Variants in ARG2 observed in about 807,000 individuals in gnomAD.
ARG2 encodes arginase 2.
A neutral mutation model predicts 39.4 loss-of-function variants in ARG2; 21 were observed. The ratio of observed to expected loss-of-function variants is 0.53; its 90% CI spans 0.38 to 0.77. The LOEUF (loss-of-function observed/expected upper bound fraction) is 0.77. Ranked by LOEUF, ARG2 falls within the 30% of genes least tolerant of loss-of-function variation. The pLI is 0.00. For synonymous variants in ARG2, 150 were observed against 156.7 expected (o/e 0.96, Z 0.32); for missense variants, 378 against 426.2 (o/e 0.89, Z 1.00).
intron 2 of ARG2, among the ~76,000 whole-genome samples, chr14:67,627,531 C>A (rs1376312700): frequency 1.3e-5 from 2 of 152,002 alleles, no homozygotes; most frequent in African/African-American, 4.8e-5. Flanking sequence ...ATCTTTGGGA[C>A]AAGAATTGGT....
intron 2 of ARG2, among the ~76,000 whole-genome samples, chr14:67,633,620 T>G (rs898464317): frequency 2.0e-5 from 3 of 152,194 alleles, no homozygotes; most frequent in African/African-American, 7.2e-5. Context: ...CCAGACCATT[T>G]TCTACACTGC....
intron 2 of ARG2, among the ~76,000 whole-genome samples, chr14:67,634,422 A>C (rs893565367): frequency 4.1e-5 from 6 of 145,850 alleles, no homozygotes; most frequent in Non-Finnish European, 9.0e-5. Flanking sequence ...GCAAAACTCT[A>C]TCTCTACCAA....
chr14:67,624,302 G>A (rs1208168554), intron 2 of ARG2, among the ~76,000 whole-genome samples: 1 of 152,178 alleles, frequency 6.6e-6, no homozygotes, highest in African/African-American at 2.4e-5. Context: ...ACTGTATAGT[G>A]ACACCATTGA....
intron 2 of ARG2, among the ~76,000 whole-genome samples, chr14:67,625,339 CTT>C (rs922648600): frequency 2.0e-5 from 3 of 152,076 alleles, no homozygotes; most frequent in Non-Finnish European, 4.4e-5. Flanking sequence ...AAAAATTAAA[CTT>C]GACTTAGCTA....
At position 67,646,954 on chromosome 14, in the gene ARG2, T is replaced by C. The variant is rs2037106628; in HGVS notation, c.651T>C (p.Phe217=). ...TAAAGAACTATGATATCCAGTATTT[T>C]TCCATGAGAGATATTGATCGACTTG... ...FILKNYDIQY[F]SMRDIDRLGI... is the part of the protein sequence containing the mutation. Residue 217 remains phenylalanine, a synonymous_variant, in exon 6 of 8, where the codon TTT becomes TTC. Coordinates refer to ENST00000261783, the MANE Select transcript of ARG2 (RefSeq NM_001172.4). 1.9e-6 allele frequency: 3 copies of C among 1,611,484 alleles called. No homozygotes were observed. The highest frequency in any genetic ancestry group is 2.5e-6 in the Non-Finnish European group (3 of 1,177,694).
At chr14:67,650,554 C>T (rs1368857812) in intron 7 of ARG2, 161 bp from the exon 8 acceptor site, 1 of 625,666 alleles carries the variant, frequency 1.6e-6, no homozygotes. Flanking sequence ...AATTCATGGC[C>T]AAGAGGATGA....
At chr14:67,650,507 C>T (rs917763797) in intron 7 of ARG2, 3 of 583,260 alleles carry the variant, frequency 5.1e-6, no homozygotes, top group Non-Finnish European at 3.1e-6. Flanking sequence ...TAAAAGGTTT[C>T]TTTTAATCTA....
At position 67,651,523 on chromosome 14, in the gene ARG2, T is replaced by A; in HGVS notation, c.*603T>A. 3 of 1,606,022 alleles carry A rather than the reference T, an allele frequency of 1.9e-6. No individual in the cohort carries two copies. The South Asian group carries it at 3.3e-5, about 18-fold the overall frequency. On this transcript the variant is annotated 3_prime_UTR_variant, in exon 8 of 8. Coordinates refer to ENST00000261783, the MANE Select transcript of ARG2 (RefSeq NM_001172.4). ...AGTGGGGAGTAGTCAGAAGTTTGGATAACCTTCCTTCTAAACATTTTGGGG... is the reference window on the plus strand; with the variant it reads ...AGTGGGGAGTAGTCAGAAGTTTGGAAAACCTTCCTTCTAAACATTTTGGGG...
At chr14:67,642,479 G>A in intron 3 of ARG2, 116 bp downstream of exon 3, 2 of 1,226,742 alleles carry the variant, frequency 1.6e-6, no homozygotes, top group Non-Finnish European at 2.2e-6. Flanking sequence ...AATTTTTAGG[G>A]TAGATATTAA....
intron 3 of ARG2, among the ~76,000 whole-genome samples, chr14:67,642,787 CATTTT>C (rs2037048834): frequency 2.8e-5 from 2 of 72,080 alleles, no homozygotes; most frequent in African/African-American, 4.8e-5. Flanking sequence ...CATGTTACTA[CATTTT>C]CTTTTTTTTT....
intron 2 of ARG2, among the ~76,000 whole-genome samples, chr14:67,632,646 T>C (rs2036929382): frequency 6.6e-6 from 1 of 152,080 alleles, no homozygotes; most frequent in Non-Finnish European, 1.5e-5. Flanking sequence ...GATGGCTTCC[T>C]GGGTCCTTGA....
chr14:67,624,644 C>G (rs2140712002), intron 2 of ARG2, among the ~76,000 whole-genome samples: 1 of 152,256 alleles, frequency 6.6e-6, no homozygotes, highest in Middle Eastern at 3.4e-3. Flanking sequence ...TTAGGAACAA[C>G]CCCCATGATC....
At chr14:67,639,422 T>C (rs2037006856) in intron 2 of ARG2, among the ~76,000 whole-genome samples, 1 of 152,200 alleles carries the variant, frequency 6.6e-6, no homozygotes, top group African/African-American at 2.4e-5. Flanking sequence ...GCCTTTTATA[T>C]GACTATTCCT....
Position 67,651,612 on chromosome 14 carries a change from G to A in ARG2, c.*692G>A. 1.0e-6 allele frequency: 1 copy of A among 981,136 alleles called. No homozygotes were observed. The highest frequency in any genetic ancestry group is 1.5e-6 in the Non-Finnish European group (1 of 680,942). 60.8% of individuals were successfully genotyped at this position (981,136 alleles called of 1,614,324 possible). On this transcript the variant is annotated 3_prime_UTR_variant, in exon 8 of 8. Transcript: ENST00000261783. Reference sequence around the variant, plus strand: ...TGTTTGATCACACAGCCACTTAGCAGGAAGTACTCATAAGGTTCTTTAGCT... The same window carrying A: ...TGTTTGATCACACAGCCACTTAGCAAGAAGTACTCATAAGGTTCTTTAGCT...
intron 2 of ARG2, among the ~76,000 whole-genome samples, chr14:67,638,759 A>G (rs953430415): frequency 6.6e-6 from 1 of 152,232 alleles, no homozygotes; most frequent in African/African-American, 2.4e-5. Flanking sequence ...TTGTGGATGC[A>G]GAAACACAAG....
chr14:67,631,430 CTTTCT>C (rs1420522216), intron 2 of ARG2, among the ~76,000 whole-genome samples: 3 of 128,482 alleles, frequency 2.3e-5, no homozygotes, highest in African/African-American at 3.3e-5. Flanking sequence ...TCCTTTCTTT[CTTTCT>C]TTTTTTTTTT....
chr14:67,630,829 T>G (rs1236484851), intron 2 of ARG2, among the ~76,000 whole-genome samples: 1 of 152,184 alleles, frequency 6.6e-6, no homozygotes, highest in East Asian at 1.9e-4. Flanking sequence ...GTGATCCACC[T>G]GCCTTGGCCT....
intron 2 of ARG2, among the ~76,000 whole-genome samples, chr14:67,637,410 CAAAAAAA>C (rs34746542): frequency 0.25 from 25,962 of 103,764 alleles, 3,048 homozygotes; most frequent in Non-Finnish European, 0.33. Flanking sequence ...GACTCTGTCT[CAAAAAAA>C]AAAAAAAAAA....
At chr14:67,649,697 A>G (rs1459947884) in intron 7 of ARG2, 1 of 152,184 alleles carries the variant, frequency 6.6e-6, no homozygotes, top group African/African-American at 2.4e-5. Flanking sequence ...TGCATTGCTA[A>G]TAAGGGAAGA....
Sources: gnomAD v4.1 joint callset for allele counts (sites outside exome capture counted in the v4.1 genomes callset) on GRCh38, gnomAD v4.1.1 for gene constraint, MANE v1.5 for transcripts, NCBI Gene and HGNC (gene_info 2026-07-23, HGNC 2026-07-21) for gene names.